Variants in GMDS observed in about 807,000 individuals in gnomAD.
GMDS encodes the protein GDP-mannose 4,6 dehydratase.
GMDS carries 20 observed loss-of-function variants against 49.9 expected under a neutral mutation model. That is an observed-to-expected ratio of 0.40 (90% CI 0.28 to 0.58). The LOEUF (loss-of-function observed/expected upper bound fraction) is 0.58, where lower values mean the gene tolerates loss of function less well. GMDS is among the 20% of genes least tolerant of loss of function. GMDS has a pLI of 0.42. For synonymous variants in GMDS, 177 were observed against 178.6 expected, an observed-to-expected ratio of 0.99 and a Z score of 0.07; for missense variants, 362 against 481.4, an observed-to-expected ratio of 0.75 and a Z score of 2.32.
At chr6:1,704,378 G>T (rs1765649186) in intron 9 of GMDS, among the ~76,000 whole-genome samples, 1 of 152,048 alleles carries the variant, frequency 6.6e-6, no homozygotes. Context: ...GAGTGGTGTG[G>T]GCTCCATGGG....
At chr6:1,907,425 A>C (rs1581339774) in intron 7 of GMDS, among the ~76,000 whole-genome samples, 2 of 152,250 alleles carry the variant, frequency 1.3e-5, no homozygotes, top group African/African-American at 4.8e-5. Context: ...GCAACTTTCT[A>C]AAAATATTTA....
At chr6:2,051,038 C>T (rs1770362957) in intron 4 of GMDS, among the ~76,000 whole-genome samples, 1 of 152,052 alleles carries the variant, frequency 6.6e-6, no homozygotes, top group Admixed American at 6.5e-5. Context: ...AACAAACCAA[C>T]ATGGCACATG....
rs1407166457 is a variant in GMDS, at chr6:1,836,630, A to G, written c.771+93473T>C. ...AAATATTCTTACGAAAATAGTCCAT[A>G]AAAGGGAGATTGGGTAGAAGCGGCT... On this transcript the variant is annotated intron_variant, in intron 7 of 10. Coordinates refer to ENST00000380815, the MANE Select transcript of GMDS (RefSeq NM_001500.4). This position sits in a 1 kb window ranked among gnomAD's most constrained non-coding sequence, Gnocchi z 4.2. 6.6e-6 allele frequency among the ~76,000 whole-genome samples: 1 copy of G among 152,240 alleles called. No individual in the cohort carries two copies. Among genetic ancestry groups the G allele is most frequent in the Non-Finnish European group, 1.5e-5 (1 of 68,046 alleles).
intron 7 of GMDS, among the ~76,000 whole-genome samples, chr6:1,914,128 T>C (rs1761226461): frequency 1.6e-5 from 2 of 128,482 alleles, no homozygotes; most frequent in African/African-American, 6.4e-5. Context: ...GCGTTTTTTG[T>C]TTGTTTTTTT....
At chr6:1,843,109 C>CAAATAAAATAAAATA (rs10629924) in intron 7 of GMDS, among the ~76,000 whole-genome samples, 11,381 of 137,016 alleles carry the variant, frequency 0.083, 559 homozygotes, top group Middle Eastern at 0.15. Flanking sequence ...GACCCTGCAT[C>CAAATAAAATAAAATA]AAATAAAATA....
chr6:2,126,047 AG>A (rs1215934836), intron 1 of GMDS, among the ~76,000 whole-genome samples: 6 of 152,144 alleles, frequency 3.9e-5, no homozygotes, highest in Non-Finnish European at 5.9e-5. Flanking sequence ...ATTTCTGGGT[AG>A]GGGTCTTCAT....
At chr6:1,742,807 G>A (rs1349664803) in intron 7 of GMDS, among the ~76,000 whole-genome samples, 1 of 152,192 alleles carries the variant, frequency 6.6e-6, no homozygotes, top group Non-Finnish European at 1.5e-5. Context: ...CCGTAGAGGG[G>A]TGGGCTCAGA....
rs2113163661 is a variant in GMDS at position 1,635,106 on chromosome 6, G to T, written c.988-10566C>A. Among the ~76,000 whole-genome samples, 1 of 152,298 alleles carries T rather than the reference G, an allele frequency of 6.6e-6. No individual in the cohort carries two copies. The highest frequency in any genetic ancestry group is 2.1e-4 in the South Asian group (1 of 4,820). On this transcript the variant is annotated intron_variant, in intron 9 of 10. Transcript: ENST00000380815. The surrounding 1 kb of genome is among the most constrained non-coding windows in gnomAD (Gnocchi z 4.7). ...CCTTTTTCACGATTTCAAGATTAGA[G>T]AACAGGGACTCTTCCAAAAGATTAC...
intron 7 of GMDS, among the ~76,000 whole-genome samples, chr6:1,753,387 T>C (rs1767811780): frequency 6.6e-6 from 1 of 152,180 alleles, no homozygotes; most frequent in Non-Finnish European, 1.5e-5. Flanking sequence ...CCCAGATTCA[T>C]AAAGCAAGTT....
chr6:2,127,883 T>G (rs534441523), intron 1 of GMDS, among the ~76,000 whole-genome samples: 2 of 152,310 alleles, frequency 1.3e-5, no homozygotes, highest in East Asian at 3.9e-4. Context: ...TCACAGCAAA[T>G]GAGAACCTAC....
At chr6:1,913,035 T>C (rs1761150082) in intron 7 of GMDS, among the ~76,000 whole-genome samples, 2 of 152,238 alleles carry the variant, frequency 1.3e-5, no homozygotes, top group African/African-American at 2.4e-5. Flanking sequence ...AACTTGCTCA[T>C]TTATTGTTAT....
intron 4 of GMDS, among the ~76,000 whole-genome samples, chr6:2,017,335 G>C (rs1350815823): frequency 6.6e-6 from 1 of 151,506 alleles, no homozygotes; most frequent in East Asian, 1.9e-4. Flanking sequence ...CTGAGACAGA[G>C]TCTCACTCTG....
intron 4 of GMDS, among the ~76,000 whole-genome samples, chr6:2,062,499 T>G (rs1443220577): frequency 1.3e-5 from 2 of 152,040 alleles, no homozygotes; most frequent in African/African-American, 4.8e-5. Flanking sequence ...AGAAGAACCG[T>G]GACAGATATA....
intron 7 of GMDS, among the ~76,000 whole-genome samples, chr6:1,855,642 T>C (rs1265541942): frequency 6.6e-6 from 1 of 152,104 alleles, no homozygotes; most frequent in African/African-American, 2.4e-5. Flanking sequence ...CTGAGAGAAA[T>C]ATTCAACTGG....
At chr6:1,738,963 G>T (rs888285633) in intron 8 of GMDS, among the ~76,000 whole-genome samples, 4 of 152,140 alleles carry the variant, frequency 2.6e-5, no homozygotes, top group African/African-American at 9.7e-5. Context: ...GATGACAGTG[G>T]GTGTTTCTGG....
At chr6:1,695,473 C>T (rs948581928) in intron 9 of GMDS, among the ~76,000 whole-genome samples, 3 of 152,144 alleles carry the variant, frequency 2.0e-5, no homozygotes, top group Admixed American at 6.5e-5. Context: ...AACTGTGTGT[C>T]CTATTTCAGA....
At chr6:2,078,849 C>T (rs561841529) in intron 4 of GMDS, among the ~76,000 whole-genome samples, 2 of 152,006 alleles carry the variant, frequency 1.3e-5, no homozygotes, top group Admixed American at 1.3e-4. Flanking sequence ...TTGTCTCATG[C>T]TGAGAATGGG....
rs940769137 is a variant in GMDS, at chr6:2,189,789, C to T, written c.102+55532G>A. Among the ~76,000 whole-genome samples the T allele has an allele frequency of 1.0e-3, 157 of 152,306 alleles. 1 individual carries two copies. The highest frequency in any genetic ancestry group is 3.6e-3 in the African/African-American group (149 of 41,568). ...CGTTCTGGGGAATGGCTTTGATATG[C>T]TACTACATAACTGATGGTCTAGGTC... On this transcript the variant is annotated intron_variant, in intron 1 of 10. Coordinates refer to ENST00000380815, the MANE Select transcript of GMDS (RefSeq NM_001500.4).
rs1770524181 is a variant in GMDS, at chr6:2,052,919, G to A, written c.345+62852C>T. Among the ~76,000 whole-genome samples, 3 of 152,294 alleles carry A rather than the reference G, an allele frequency of 2.0e-5. No homozygotes were observed. The South Asian group carries it at 6.2e-4, about 32-fold the overall frequency. On this transcript the variant is annotated intron_variant, in intron 4 of 10. Transcript: ENST00000380815. The stretch of plus-strand genomic sequence containing the variant: ...ACACTAACACTGCTGACCTAGACCT[G>A]TGTCCAACTTTCTGCTTTATAAGCT...
Sources: allele counts gnomAD v4.1 joint callset (sites outside exome capture counted in the v4.1 genomes callset), GRCh38; gene constraint gnomAD v4.1.1; non-coding constraint Gnocchi (gnomAD v3.1); transcripts MANE v1.5; gene names NCBI Gene and HGNC (gene_info 2026-07-23, HGNC 2026-07-21).